The following RGL1 variants were observed in gnomAD, a reference collection of about 807,000 sequenced individuals.
RGL1 encodes ral guanine nucleotide dissociation stimulator like 1.
A neutral mutation model predicts 95.2 loss-of-function variants in RGL1; 24 were observed. The observed-to-expected ratio is 0.25, with a 90% CI of 0.18 to 0.35. The LOEUF (loss-of-function observed/expected upper bound fraction) is 0.35. Among genes scored for constraint, RGL1 ranks in the 10% least tolerant of loss-of-function variants. RGL1 has a pLI of 1.00. For missense variants in RGL1, 715 were observed against 936.3 expected (o/e 0.76, Z 3.08); for synonymous variants, 329 against 344.9 (o/e 0.95, Z 0.51).
At chr1:183,809,449 C>T (rs1046870238) in intron 2 of RGL1, among the ~76,000 whole-genome samples, 14 of 152,180 alleles carry the variant, frequency 9.2e-5, no homozygotes, top group African/African-American at 3.4e-4. Context: ...TTTACTTGTA[C>T]GTGCAGCTGC....
chr1:183,822,162 G>A (rs932155359), intron 2 of RGL1, among the ~76,000 whole-genome samples: 2 of 152,042 alleles, frequency 1.3e-5, no homozygotes, highest in East Asian at 3.9e-4. Context: ...TCTGACAGTT[G>A]TAAAAATTCT....
chr1:183,865,664 A>T (rs1302754263), intron 3 of RGL1, among the ~76,000 whole-genome samples: 1 of 152,126 alleles, frequency 6.6e-6, no homozygotes, highest in Non-Finnish European at 1.5e-5. Context: ...GTTCATGAGG[A>T]ATCTGCCTTC....
chr1:183,866,018 A>C lies in RGL1; in HGVS notation c.370A>C (p.Asn124His), dbSNP rs752067488. The C allele has an allele frequency of 3.5e-5, 57 of 1,613,844 alleles. No individual in the cohort carries two copies. The highest frequency in any genetic ancestry group is 4.5e-5 in the Non-Finnish European group (53 of 1,179,908). The change falls in exon 4 of 18, where the codon AAC (asparagine) becomes CAC (histidine). Residue 124 changes from asparagine to histidine, a missense_variant. Around this residue, in one of 3 missense-constraint regions of RGL1, gnomAD observed 381 missense variants for 484.8 expected, o/e 0.79. Coordinates refer to ENST00000360851, the MANE Select transcript of RGL1 (RefSeq NM_001297671.3). ...CAGGTATGGAAACCTGACAAGCCCA[A>C]ACTGTGAAGAAGATGGAAGCCAAAG... The part of the protein sequence containing the change: ...LDRYGNLTSP[N>H]CEEDGSQSSS...
intron 3 of RGL1, among the ~76,000 whole-genome samples, chr1:183,848,702 T>C (rs1437595831): frequency 6.6e-6 from 1 of 152,170 alleles, no homozygotes; most frequent in Non-Finnish European, 1.5e-5. Context: ...ATTTATTAGA[T>C]TTAAAAATAT....
intron 1 of RGL1, among the ~76,000 whole-genome samples, chr1:183,685,448 G>A (rs545642703): frequency 3.9e-5 from 6 of 152,254 alleles, no homozygotes; most frequent in African/African-American, 1.4e-4. Flanking sequence ...ATCAGAGGAG[G>A]TTCTTCCTTT....
upstream of RGL1, among the ~76,000 whole-genome samples, chr1:183,804,425 T>A (rs1284524237): frequency 6.6e-6 from 1 of 152,222 alleles, no homozygotes; most frequent in Non-Finnish European, 1.5e-5. Flanking sequence ...CTGCTGGTAG[T>A]CATCTGATGA....
intron 1 of RGL1, chr1:183,647,591 C>T (rs1228936016): frequency 1.3e-6 from 2 of 1,486,700 alleles, no homozygotes; most frequent in South Asian, 1.4e-5. Context: ...CATCTTGGCT[C>T]AGCCCTGAGA....
At chr1:183,756,294 G>C (rs1658335535) in intron 2 of RGL1, among the ~76,000 whole-genome samples, 1 of 151,896 alleles carries the variant, frequency 6.6e-6, no homozygotes, top group South Asian at 2.1e-4. Context: ...AAACTAGCCT[G>C]GCAAATGGAA....
At chr1:183,708,914 C>G (rs1168385258) in intron 1 of RGL1, among the ~76,000 whole-genome samples, 2 of 152,182 alleles carry the variant, frequency 1.3e-5, no homozygotes, top group African/African-American at 4.8e-5. Context: ...AGATGTAAGG[C>G]TCTTGTATCA....
At chr1:183,767,685 G>T (rs1467892843) in intron 2 of RGL1, among the ~76,000 whole-genome samples, 1 of 152,210 alleles carries the variant, frequency 6.6e-6, no homozygotes, top group Non-Finnish European at 1.5e-5. Context: ...GGGTATGGTG[G>T]CTCACACCTG....
At chr1:183,769,359 CT>C (rs2102325945) in intron 2 of RGL1, among the ~76,000 whole-genome samples, 1 of 152,320 alleles carries the variant, frequency 6.6e-6, no homozygotes, top group African/African-American at 2.4e-5. Flanking sequence ...CTCAAAATAT[CT>C]ACAGAGACAA....
chr1:183,694,033 C>T (rs1654115297), intron 1 of RGL1, among the ~76,000 whole-genome samples: 1 of 152,212 alleles, frequency 6.6e-6, no homozygotes, highest in African/African-American at 2.4e-5. Flanking sequence ...ACAACATGGC[C>T]TGTTTTCTCA....
chr1:183,752,706 T>TCTCTCTCTCTCCCTC (rs58775038), intron 2 of RGL1, among the ~76,000 whole-genome samples: 1 of 110,146 alleles, frequency 9.1e-6, no homozygotes, highest in African/African-American at 3.9e-5. Context: ...CTCTCTCTCT[T>TCTCTCTCTCTCCCTC]TCCCCTTTCC....
intron 2 of RGL1, among the ~76,000 whole-genome samples, chr1:183,764,627 A>C (rs1006442096): frequency 6.6e-6 from 1 of 152,112 alleles, no homozygotes; most frequent in Non-Finnish European, 1.5e-5. Context: ...TGATCTTTCT[A>C]TTTATCAGTT....
intron 4 of RGL1, among the ~76,000 whole-genome samples, chr1:183,866,293 AC>A (rs1338493758): frequency 6.6e-6 from 1 of 152,230 alleles, no homozygotes; most frequent in Non-Finnish European, 1.5e-5. Context: ...GGTATACAAA[AC>A]AAACAAGTGA....
intron 2 of RGL1, among the ~76,000 whole-genome samples, chr1:183,787,579 A>G (rs189978120): frequency 3.9e-5 from 6 of 152,300 alleles, no homozygotes; most frequent in African/African-American, 1.4e-4. Context: ...ACAAATGATA[A>G]CATTAGCATT....
intron 1 of RGL1, among the ~76,000 whole-genome samples, chr1:183,717,324 A>C (rs962344887): frequency 1.3e-5 from 2 of 152,208 alleles, no homozygotes; most frequent in Non-Finnish European, 2.9e-5. Flanking sequence ...TAGGGCACCA[A>C]AGTGATTTTT....
At chr1:183,645,706 C>T (rs1421060909) in intron 1 of RGL1, among the ~76,000 whole-genome samples, 1 of 152,190 alleles carries the variant, frequency 6.6e-6, no homozygotes, top group Non-Finnish European at 1.5e-5. Context: ...TGCTATATGC[C>T]TTCTTATAGC....
intron 2 of RGL1, among the ~76,000 whole-genome samples, chr1:183,787,343 C>T (rs569914220): frequency 2.4e-4 from 37 of 152,150 alleles, no homozygotes; most frequent in African/African-American, 8.0e-4. Flanking sequence ...TAATGGGGTA[C>T]GAGTTCTTTG....
Sources: allele counts gnomAD v4.1 joint callset (sites outside exome capture counted in the v4.1 genomes callset), GRCh38; gene constraint gnomAD v4.1.1; regional missense constraint gnomAD v4.1.1; transcripts MANE v1.5; gene names NCBI Gene and HGNC (gene_info 2026-07-23, HGNC 2026-07-21).